Variants in SGCZ observed in about 807,000 individuals in gnomAD.
The protein encoded by SGCZ is zeta-sarcoglycan.
A neutral mutation model predicts 41.3 loss-of-function variants in SGCZ; 40 were observed. That is an observed-to-expected ratio of 0.97 (90% CI 0.75 to 1.26). The LOEUF is 1.26. SGCZ is among the 50% of genes most tolerant of loss of function. The pLI is 0.00. For missense variants in SGCZ, 552 were observed against 369.8 expected (o/e 1.49, Z -4.04); for synonymous variants, 206 against 137.5 (o/e 1.50, Z -3.49).
At chr8:14,416,632 G>C (rs1325392866) in intron 2 of SGCZ, among the ~76,000 whole-genome samples, 1 of 151,782 alleles carries the variant, frequency 6.6e-6, no homozygotes, top group Non-Finnish European at 1.5e-5. Context: ...ATTTTAAATG[G>C]ATATTAACCA....
intron 1 of SGCZ, among the ~76,000 whole-genome samples, chr8:15,033,654 G>A (rs968012045): frequency 2.0e-5 from 3 of 152,160 alleles, no homozygotes; most frequent in Admixed American, 6.5e-5. Flanking sequence ...AGCTCCAGAC[G>A]CATCCCAGTG....
intron 2 of SGCZ, among the ~76,000 whole-genome samples, chr8:14,448,372 G>A (rs918374534): frequency 3.9e-5 from 6 of 152,152 alleles, no homozygotes; most frequent in Non-Finnish European, 8.8e-5. Flanking sequence ...AATTTCCTCT[G>A]GAGTAAACTG....
chr8:15,097,911 CGTGTGTATATATATATAT>C (rs1563124249), intron 1 of SGCZ, among the ~76,000 whole-genome samples: 5 of 90,342 alleles, frequency 5.5e-5, no homozygotes, highest in Non-Finnish European at 1.1e-4. Context: ...TATATATATA[CGTGTGTATATATATATAT>C]ATACATACAT....
chr8:14,590,316 A>G (rs1300624095), intron 1 of SGCZ, among the ~76,000 whole-genome samples: 1 of 152,024 alleles, frequency 6.6e-6, no homozygotes, highest in Non-Finnish European at 1.5e-5. Context: ...AATTATAAAG[A>G]AGCTCATGAC....
chr8:14,634,895 A>G (rs1212158358), intron 1 of SGCZ, among the ~76,000 whole-genome samples: 1 of 151,910 alleles, frequency 6.6e-6, no homozygotes, highest in Non-Finnish European at 1.5e-5. Context: ...TCCAAGTATC[A>G]TAATTTTATT....
chr8:14,832,880 G>A (rs2130605865), intron 1 of SGCZ, among the ~76,000 whole-genome samples: 1 of 152,066 alleles, frequency 6.6e-6, no homozygotes, highest in African/African-American at 2.4e-5. Context: ...GTTTTAATAG[G>A]TAGGTTTTTT....
At chr8:14,406,999 T>C (rs1799228843) in intron 2 of SGCZ, among the ~76,000 whole-genome samples, 1 of 152,054 alleles carries the variant, frequency 6.6e-6, no homozygotes, top group Non-Finnish European at 1.5e-5. Flanking sequence ...GCCTTGATTT[T>C]GGAGCCTGCC....
At chr8:15,219,101 T>C (rs571406260) in intron 1 of SGCZ, among the ~76,000 whole-genome samples, 21 of 152,224 alleles carry the variant, frequency 1.4e-4, no homozygotes, top group Non-Finnish European at 2.9e-4. Context: ...AATCAAATTA[T>C]ATTCAATAAC....
chr8:15,234,091 T>G (rs780096253), intron 1 of SGCZ, among the ~76,000 whole-genome samples: 37 of 152,204 alleles, frequency 2.4e-4, no homozygotes, highest in Non-Finnish European at 4.7e-4. Flanking sequence ...TCAGCCTCAA[T>G]GTCTCCTATG....
intron 1 of SGCZ, among the ~76,000 whole-genome samples, chr8:14,905,352 A>C (rs1799090902): frequency 6.6e-6 from 1 of 152,050 alleles, no homozygotes. Context: ...TTAATACTCC[A>C]ATAAATAAAA....
intron 1 of SGCZ, among the ~76,000 whole-genome samples, chr8:14,705,191 T>G (rs1301347044): frequency 6.6e-6 from 1 of 151,894 alleles, no homozygotes; most frequent in Non-Finnish European, 1.5e-5. Flanking sequence ...ATTCTAATGA[T>G]TTAGTTGAAT....
chr8:14,153,338 A>T (rs1401313698), intron 5 of SGCZ, among the ~76,000 whole-genome samples: 3 of 152,180 alleles, frequency 2.0e-5, no homozygotes, highest in African/African-American at 7.2e-5. Flanking sequence ...GCCTATTCAA[A>T]ACTTCTTCCA....
chr8:14,188,842 G>A (rs1025735705), intron 4 of SGCZ, among the ~76,000 whole-genome samples: 1 of 55,038 alleles, frequency 1.8e-5, no homozygotes, highest in East Asian at 5.0e-4. Flanking sequence ...TTGTTTGTTT[G>A]TTTTTTGAGA....
intron 1 of SGCZ, among the ~76,000 whole-genome samples, chr8:15,131,489 T>G (rs934239473): frequency 1.6e-4 from 24 of 152,226 alleles, no homozygotes; most frequent in Non-Finnish European, 2.9e-5. Flanking sequence ...ATCAGCAGTG[T>G]GAAAATGGAC....
intron 1 of SGCZ, among the ~76,000 whole-genome samples, chr8:14,631,975 A>T (rs958135865): frequency 2.6e-5 from 4 of 152,236 alleles, no homozygotes; most frequent in African/African-American, 9.6e-5. Flanking sequence ...ACATTATTAC[A>T]ATAGAAACAT....
chr8:14,866,676 G>T (rs1803944143), intron 1 of SGCZ, among the ~76,000 whole-genome samples: 1 of 151,994 alleles, frequency 6.6e-6, no homozygotes, highest in African/African-American at 2.4e-5. Context: ...TGGGCATGAT[G>T]GTGCATGCTT....
At chr8:14,669,531 G>C (rs1444559013) in intron 1 of SGCZ, among the ~76,000 whole-genome samples, 3 of 151,816 alleles carry the variant, frequency 2.0e-5, no homozygotes, top group African/African-American at 4.8e-5. Context: ...ATTTCTATGA[G>C]TATAACAACA....
At chr8:15,044,584 G>A (rs1804232129) in intron 1 of SGCZ, among the ~76,000 whole-genome samples, 1 of 152,114 alleles carries the variant, frequency 6.6e-6, no homozygotes, top group Non-Finnish European at 1.5e-5. Flanking sequence ...ACTTTTATTA[G>A]GATTGTGTAA....
chr8:14,157,253 C>A (rs1211496139), intron 5 of SGCZ, among the ~76,000 whole-genome samples: 1 of 148,706 alleles, frequency 6.7e-6, no homozygotes. Flanking sequence ...CATTATATAG[C>A]ACATAATTTT....
Sources: allele counts gnomAD v4.1 joint callset (sites outside exome capture counted in the v4.1 genomes callset), GRCh38; gene constraint gnomAD v4.1.1; transcripts MANE v1.5; gene names NCBI Gene and HGNC (gene_info 2026-07-23, HGNC 2026-07-21).